Variants in FRMD6 observed in about 807,000 individuals in gnomAD.
FRMD6 encodes FERM domain-containing protein 6.
A neutral mutation model predicts 73.2 loss-of-function variants in FRMD6; 37 were observed. That is an observed-to-expected ratio of 0.51 (90% confidence interval 0.39 to 0.66). The LOEUF (loss-of-function observed/expected upper bound fraction) is 0.66, where lower values mean the gene tolerates loss of function less well. Ranked by LOEUF, FRMD6 falls within the 30% of genes least tolerant of loss-of-function variation. The pLI, the probability that FRMD6 is intolerant of heterozygous loss-of-function variation, is 0.00. For missense variants in FRMD6, 714 were observed against 780.5 expected, an observed-to-expected ratio of 0.91 and a Z score of 1.02; for synonymous variants, 273 against 282.2, an observed-to-expected ratio of 0.97 and a Z score of 0.33.
the FRMD6 span, among the ~76,000 whole-genome samples, chr14:51,467,989 A>T: frequency 6.6e-6 from 1 of 152,092 alleles, no homozygotes; most frequent in Non-Finnish European, 1.5e-5. Flanking sequence ...ACTGCACTCC[A>T]GCCTGGGCAA....
At chr14:51,614,146 C>T (rs530019415) in intron 2 of FRMD6, among the ~76,000 whole-genome samples, 38 of 152,136 alleles carry the variant, frequency 2.5e-4, no homozygotes, top group Non-Finnish European at 4.9e-4. Context: ...TGGGGATTCT[C>T]ATAGCTCATG....
chr14:51,512,198 G>A lies in FRMD6; in HGVS notation c.-210+22778G>A, dbSNP rs1326844029. 2.6e-5 allele frequency among the ~76,000 whole-genome samples: 4 copies of A among 152,118 alleles called. No homozygotes were observed. The South Asian group carries it at 8.3e-4, about 32-fold the overall frequency. On this transcript the variant is annotated intron_variant, in intron 1 of 14. Coordinates refer to the FRMD6 transcript ENST00000356218. ...GGTTGGCATGCAGCTGGGAGTGGTG[G>A]ATGGATAATAGTTATGCATATGAAG...
At chr14:51,531,018 CAGA>C (rs759606701) in intron 1 of FRMD6, among the ~76,000 whole-genome samples, 45 of 152,284 alleles carry the variant, frequency 3.0e-4, no homozygotes, top group Middle Eastern at 3.4e-3. Flanking sequence ...CTTCTCATGG[CAGA>C]AGGGCAAAGA....
upstream of FRMD6, among the ~76,000 whole-genome samples, chr14:51,648,687 G>A (rs1892189479): frequency 6.6e-6 from 1 of 152,132 alleles, no homozygotes; most frequent in Non-Finnish European, 1.5e-5. Context: ...AACTAACTAT[G>A]TTGTAACTGT....
At chr14:51,675,242 C>G (rs1410447283) in intron 1 of FRMD6, among the ~76,000 whole-genome samples, 1 of 152,042 alleles carries the variant, frequency 6.6e-6, no homozygotes, top group Non-Finnish European at 1.5e-5. Flanking sequence ...ATGAAGGATA[C>G]AGCCATCCCT....
At chr14:51,516,223 C>CA (rs750031039) in intron 1 of FRMD6, among the ~76,000 whole-genome samples, 5,362 of 150,908 alleles carry the variant, frequency 0.036, 176 homozygotes, top group African/African-American at 0.09. Flanking sequence ...GACACACTCA[C>CA]AAAAAAACAA....
the FRMD6 span, among the ~76,000 whole-genome samples, chr14:51,479,462 C>T: frequency 1.3e-5 from 2 of 152,236 alleles, no homozygotes; most frequent in Admixed American, 6.5e-5. Context: ...AGCTTAGTCT[C>T]TGCTCTCAAG....
At chr14:51,600,944 C>G (rs574424029) in intron 2 of FRMD6, among the ~76,000 whole-genome samples, 2 of 152,186 alleles carry the variant, frequency 1.3e-5, no homozygotes, top group Non-Finnish European at 2.9e-5. Flanking sequence ...TTTTAATATC[C>G]TATTAGCACT....
At position 51,712,549 on chromosome 14, in the gene FRMD6, G is replaced by C. The variant is rs1466454806; in HGVS notation, c.847G>C (p.Val283Leu). 4 of 1,587,476 alleles carry C rather than the reference G, an allele frequency of 2.5e-6. No homozygotes were observed. Among genetic ancestry groups the C allele is most frequent in the Non-Finnish European group, 3.5e-6 (4 of 1,156,816 alleles). ...GACAAATGTTGGAAAATTGGTGTTT[G>C]TGGTAAGTTTAAAATAACTGGCTTA... ...PWTNVGKLVF[V>L]GKKFEILPDG... Residue 283 changes from valine (V) to leucine (L), a missense_variant and splice_region_variant, in exon 9 of 14, where the codon GTG (valine) becomes CTG (leucine). Physicochemically the swap from Val to Leu is conservative, Grantham distance 32. Coordinates refer to ENST00000344768, the MANE Select transcript of FRMD6 (RefSeq NM_001267046.2).
At chr14:51,706,329 C>G (rs1232209925) in intron 6 of FRMD6, among the ~76,000 whole-genome samples, 8 of 152,104 alleles carry the variant, frequency 5.3e-5, no homozygotes, top group African/African-American at 1.4e-4. Flanking sequence ...GTTGCAGAAA[C>G]TTGTCCCTGC....
intron 13 of FRMD6, 131 bp from the exon 14 acceptor site, chr14:51,727,614 C>A: frequency 1.2e-6 from 1 of 813,854 alleles, no homozygotes; most frequent in Non-Finnish European, 1.9e-6. Flanking sequence ...GCCCAGAAAC[C>A]ACAGATTGGA....
At chr14:51,727,696 A>C (rs1207450703) in intron 13 of FRMD6, 49 bp from the exon 14 acceptor site, 1 of 1,530,606 alleles carries the variant, frequency 6.5e-7, no homozygotes, top group Non-Finnish European at 8.9e-7. Context: ...CAAGGCAAAT[A>C]TTCTAACCTT....
chr14:51,665,771 G>A (rs897788797), intron 1 of FRMD6, among the ~76,000 whole-genome samples: 1 of 152,142 alleles, frequency 6.6e-6, no homozygotes, highest in African/African-American at 2.4e-5. Context: ...TTGAATCATG[G>A]CGGTGTGTCT....
intron 11 of FRMD6, among the ~76,000 whole-genome samples, chr14:51,721,709 A>AG (rs1566598179): frequency 1.3e-3 from 152 of 115,820 alleles, no homozygotes; most frequent in African/African-American, 4.7e-3. Context: ...GAAGGAAGGA[A>AG]GGAAGGAAGG....
chr14:51,534,859 G>A (rs1885788946), intron 1 of FRMD6, among the ~76,000 whole-genome samples: 1 of 152,224 alleles, frequency 6.6e-6, no homozygotes, highest in African/African-American at 2.4e-5. Flanking sequence ...AGGAACCAGA[G>A]TCCAGATAGG....
At chr14:51,612,847 T>C (rs1321597462) in intron 2 of FRMD6, among the ~76,000 whole-genome samples, 1 of 152,138 alleles carries the variant, frequency 6.6e-6, no homozygotes, top group East Asian at 1.9e-4. Flanking sequence ...CAGAGTCAAA[T>C]AAATTCAATA....
intron 2 of FRMD6, among the ~76,000 whole-genome samples, chr14:51,691,926 T>G (rs996579606): frequency 6.9e-6 from 1 of 145,464 alleles, no homozygotes; most frequent in African/African-American, 2.5e-5. Context: ...AATTGCTATA[T>G]AAAAGAATAT....
chr14:51,496,030 A>G (rs1291315772), intron 1 of FRMD6, among the ~76,000 whole-genome samples: 3 of 152,196 alleles, frequency 2.0e-5, no homozygotes, highest in African/African-American at 7.2e-5. Flanking sequence ...AAGTGATGAT[A>G]TGTTACTTCT....
chr14:51,646,009 A>G (rs1419890098), intron 2 of FRMD6, among the ~76,000 whole-genome samples: 1 of 152,086 alleles, frequency 6.6e-6, no homozygotes, highest in Admixed American at 6.6e-5. Flanking sequence ...TCTTAGGCAC[A>G]CATTGATATC....
Sources: allele counts gnomAD v4.1 joint callset (sites outside exome capture counted in the v4.1 genomes callset), GRCh38; gene constraint gnomAD v4.1.1; transcripts MANE v1.5; gene names NCBI Gene and HGNC (gene_info 2026-07-23, HGNC 2026-07-21).